Variants in CDC27 observed in about 807,000 individuals in gnomAD.
CDC27 encodes cell division cycle protein 27 homolog.
CDC27 carries 27 observed loss-of-function variants against 109.7 expected under a neutral mutation model. That is an observed-to-expected ratio of 0.25 (90% confidence interval 0.18 to 0.34). The LOEUF (loss-of-function observed/expected upper bound fraction) is 0.34. CDC27 is among the 10% of genes least tolerant of loss of function. The pLI, the probability that CDC27 is intolerant of heterozygous loss-of-function variation, is 1.00. For missense variants in CDC27, 579 were observed against 960.2 expected (o/e 0.60, Z 5.25); for synonymous variants, 266 against 333.9 (o/e 0.80, Z 2.22).
At chr17:47,164,938 C>A (rs1252766513) in intron 4 of CDC27, among the ~76,000 whole-genome samples, 1 of 152,180 alleles carries the variant, frequency 6.6e-6, no homozygotes. Context: ...ACCACTACTA[C>A]AATCAGGATA....
At chr17:47,132,843 C>T (rs2148825033) in intron 14 of CDC27, among the ~76,000 whole-genome samples, 1 of 144,770 alleles carries the variant, frequency 6.9e-6, no homozygotes, top group South Asian at 2.2e-4. Flanking sequence ...AATCACGGCT[C>T]ACTGCAGCCT....
At chr17:47,151,445 T>G (rs536040522) in intron 9 of CDC27, among the ~76,000 whole-genome samples, 7 of 152,064 alleles carry the variant, frequency 4.6e-5, no homozygotes, top group African/African-American at 1.7e-4. Context: ...TTATTTGAAG[T>G]TTATTTGTCT....
At chr17:47,185,202 A>C (rs2064384944) in intron 1 of CDC27, among the ~76,000 whole-genome samples, 1 of 151,950 alleles carries the variant, frequency 6.6e-6, no homozygotes, top group Non-Finnish European at 1.5e-5. Flanking sequence ...TTTTTGAGAC[A>C]GAGTCTCACT....
At chr17:47,153,023 A>C (rs2063195548) in intron 8 of CDC27, among the ~76,000 whole-genome samples, 1 of 152,168 alleles carries the variant, frequency 6.6e-6, no homozygotes, top group Non-Finnish European at 1.5e-5. Flanking sequence ...CATCTAATGT[A>C]CCACCACTTC....
Position 47,143,900 on chromosome 17 carries a change from C to T in CDC27, c.1153G>A (p.Asp385Asn). 1 of 1,466,850 alleles carries T rather than the reference C, an allele frequency of 6.8e-7. No individual in the cohort carries two copies. Among genetic ancestry groups the T allele is most frequent in the Non-Finnish European group, 9.1e-7 (1 of 1,099,428 alleles). The allele number at this position is 1,466,850 out of a possible 1,614,324, so 90.9% of individuals were successfully genotyped here. Residue 385 changes from aspartate to asparagine, a missense_variant, in exon 10 of 19, where the codon GAC becomes AAC. This residue lies in a region of CDC27 where 51 missense variants were observed against 43.8 expected (regional missense o/e 1.16). Transcript: ENST00000066544. ...PRRSSRLFTS[D>N]SSTTKENSKK... ...TAAATTACCTTGGTTGTGGAGCTGTCACTAGTAAAGAGTCGTGAACTTCTT... is the reference window on the plus strand; with the variant it reads ...TAAATTACCTTGGTTGTGGAGCTGTTACTAGTAAAGAGTCGTGAACTTCTT...
intron 14 of CDC27, among the ~76,000 whole-genome samples, chr17:47,136,206 C>T (rs1179768626): frequency 2.6e-5 from 4 of 151,988 alleles, no homozygotes; most frequent in Admixed American, 6.6e-5. Context: ...ACATAGCTAT[C>T]GGAAGAGACA....
chr17:47,130,702 C>T (rs1333415316), intron 15 of CDC27, among the ~76,000 whole-genome samples: 2 of 151,930 alleles, frequency 1.3e-5, no homozygotes, highest in Admixed American at 6.6e-5. Flanking sequence ...TGATGAAACC[C>T]CCGTCTCTAC....
At chr17:47,155,001 T>A in intron 7 of CDC27, 1 of 378,416 alleles carries the variant, frequency 2.6e-6, no homozygotes, top group Non-Finnish European at 4.7e-6. Flanking sequence ...GGAACTAAAC[T>A]GAGCAACAAT....
rs11570473 is a variant in CDC27 at position 47,170,223 on chromosome 17, G to A, written c.252-181C>T. On this transcript the variant is annotated intron_variant, in intron 3 of 18. Coordinates refer to ENST00000066544, the MANE Select transcript of CDC27 (RefSeq NM_001256.6). ...CTGTCTTCCTTTCTTTAAAGAGATA[G>A]GGTCTTGCTTTGTTACCCAGGCTAG... The A allele has an allele frequency of 1.9e-4, 83 of 438,178 alleles. No individual in the cohort carries two copies. In the East Asian group the frequency reaches 3.1e-3, roughly 16 times the overall value. 27.1% of individuals were successfully genotyped at this position (438,178 alleles called of 1,614,324 possible). A position where few individuals can be genotyped will look rare whatever the true frequency, so the allele number is the denominator to read the frequency against.
At chr17:47,159,404 G>T in intron 4 of CDC27, 2 of 998,062 alleles carry the variant, frequency 2.0e-6, no homozygotes, top group Non-Finnish European at 2.9e-6. Context: ...TGGCTGAGGT[G>T]TAGCAGTCAT....
chr17:47,160,001 C>CT (rs766302829), intron 4 of CDC27: 5,612 of 192,194 alleles, frequency 0.029, 4 homozygotes, highest in South Asian at 0.068. Flanking sequence ...ACCTCTGCTT[C>CT]TTTTTTTTTT....
chr17:47,181,731 T>C, intron 1 of CDC27, 94 bp from the exon 2 acceptor site: 3 of 610,630 alleles, frequency 4.9e-6, no homozygotes, highest in Middle Eastern at 3.2e-4. Context: ...CTGAAATTAA[T>C]ATCCCTAATT....
chr17:47,166,495 CTTTCTTTTTTGGGGTCACTTTCGGCAG>C (rs1352848001), intron 4 of CDC27, among the ~76,000 whole-genome samples: 1 of 152,128 alleles, frequency 6.6e-6, no homozygotes, highest in African/African-American at 2.4e-5. Flanking sequence ...TGTTCTCTCT[CTTTCTTTTTTGGGGTCACTTTCGGCAG>C]TTTTACCAAT....
At chr17:47,167,367 T>C (rs921840896) in intron 4 of CDC27, among the ~76,000 whole-genome samples, 9 of 152,264 alleles carry the variant, frequency 5.9e-5, no homozygotes, top group Non-Finnish European at 8.8e-5. Context: ...ACTTCTTTCA[T>C]AAATTGTCTA....
At chr17:47,138,712 A>G in intron 13 of CDC27, 27 bp downstream of exon 13, 1 of 1,557,160 alleles carries the variant, frequency 6.4e-7, no homozygotes, top group Non-Finnish European at 8.8e-7. Flanking sequence ...AGGTAACTAT[A>G]TAAGCAAAGT....
chr17:47,132,741 T>TTTATTATTA lies in CDC27; in HGVS notation c.1914-376_1914-368dup, dbSNP rs34229894. 2.7e-3 allele frequency among the ~76,000 whole-genome samples: 337 copies of TTTATTATTA among 125,142 alleles called. 2 individuals carry two copies. The highest frequency in any genetic ancestry group is 6.4e-3 in the African/African-American group (211 of 33,048). The allele number at this position is 125,142 out of a possible 152,430, so 82.1% of individuals were successfully genotyped here. A position where few individuals can be genotyped will look rare whatever the true frequency, so the allele number is the denominator to read the frequency against. On this transcript the variant is annotated intron_variant, in intron 14 of 18. Transcript: ENST00000066544. ...CCACAATGCCTAGCCATTAAAGCAGTTTATTATTATTATTATTATTATTAT... is the reference window on the plus strand; with the variant it reads ...CCACAATGCCTAGCCATTAAAGCAGTTTATTATTATTATTATTATTATTATTATTATTAT...
At chr17:47,125,178 C>G (rs1270210877) in intron 16 of CDC27, among the ~76,000 whole-genome samples, 1 of 151,412 alleles carries the variant, frequency 6.6e-6, no homozygotes, top group Non-Finnish European at 1.5e-5. Flanking sequence ...CCTTGGCCTC[C>G]CAAAGTGCTA....
chr17:47,173,728 T>C (rs1054871313), intron 2 of CDC27, among the ~76,000 whole-genome samples: 1 of 152,258 alleles, frequency 6.6e-6, no homozygotes, highest in Admixed American at 6.5e-5. Context: ...AATTAGCTTT[T>C]TGAAGCATAG....
At position 47,120,791 on chromosome 17, in the gene CDC27, G is replaced by T. The variant is rs927987140; in HGVS notation, c.*144C>A. ...CTGCCTTTCATTCTGTATACAGTCA[G>T]GGTCCAATGAAAGTGGCACACTCAT... On this transcript the variant is annotated 3_prime_UTR_variant, in exon 19 of 19. Transcript: ENST00000066544. The T allele has an allele frequency of 1.6e-6, 1 of 623,518 alleles. No individual in the cohort carries two copies. The highest frequency in any genetic ancestry group is 2.9e-6 in the Non-Finnish European group (1 of 343,558). The allele number at this position is 623,518 out of a possible 1,614,324, so 38.6% of individuals were successfully genotyped here.
Sources: gnomAD v4.1 joint callset for allele counts (sites outside exome capture counted in the v4.1 genomes callset) on GRCh38, gnomAD v4.1.1 for gene constraint, gnomAD v4.1.1 regional missense constraint, MANE v1.5 for transcripts, NCBI Gene and HGNC (gene_info 2026-07-23, HGNC 2026-07-21) for gene names.